SLC35F4: variants seen among roughly 807,000 people sequenced by gnomAD.
The protein encoded by SLC35F4 is chromosome 14 open reading frame 36.
In SLC35F4, 24 loss-of-function variants were observed where a neutral mutation model predicts 44.2. That is an observed-to-expected ratio of 0.54 (90% CI 0.39 to 0.76). The LOEUF (loss-of-function observed/expected upper bound fraction) is 0.76. SLC35F4 is among the 30% of genes least tolerant of loss of function. The pLI, the probability that SLC35F4 is intolerant of heterozygous loss-of-function variation, is 0.00. For synonymous variants in SLC35F4, 238 were observed against 223.6 expected (o/e 1.06, Z -0.57); for missense variants, 562 against 586.1 (o/e 0.96, Z 0.42).
At chr14:57,721,005 T>TATATATATAC (rs1555376892) in intron 1 of SLC35F4, among the ~76,000 whole-genome samples, 11 of 123,966 alleles carry the variant, frequency 8.9e-5, no homozygotes, top group Non-Finnish European at 1.6e-4. Flanking sequence ...TATATATATA[T>TATATATATAC]ATATATATAT....
At chr14:57,770,464 C>T (rs937829456) in intron 1 of SLC35F4, among the ~76,000 whole-genome samples, 13 of 152,200 alleles carry the variant, frequency 8.5e-5, no homozygotes, top group African/African-American at 3.1e-4. Context: ...GTCCTCATCA[C>T]TGAGATAAGG....
intron 1 of SLC35F4, among the ~76,000 whole-genome samples, chr14:57,622,178 G>C (rs1174592973): frequency 2.3e-5 from 2 of 86,274 alleles, no homozygotes; most frequent in Admixed American, 2.8e-4. Context: ...ACAGGTGCTG[G>C]AGAGGATGTG....
chr14:57,885,604 T>C (rs1286716387), intron 1 of SLC35F4, among the ~76,000 whole-genome samples: 2 of 152,228 alleles, frequency 1.3e-5, no homozygotes, highest in Non-Finnish European at 2.9e-5. Flanking sequence ...GGTACATGAA[T>C]TAAAATTAAA....
intron 1 of SLC35F4, among the ~76,000 whole-genome samples, chr14:57,632,515 A>G (rs1176205785): frequency 2.0e-5 from 3 of 152,090 alleles, no homozygotes; most frequent in Admixed American, 6.6e-5. Flanking sequence ...TTTTAGGTTC[A>G]TAGCAAAATT....
At position 57,626,232 on chromosome 14, in the gene SLC35F4, G is replaced by C. The variant is rs539272797; in HGVS notation, c.104-32108C>G. Reference sequence around the variant, plus strand: ...AAATACGTAATGTAAATGACGGGTTGATGGGTGCAGCAAACTGCCATGGCA... The same window carrying C: ...AAATACGTAATGTAAATGACGGGTTCATGGGTGCAGCAAACTGCCATGGCA... On this transcript the variant is annotated intron_variant, in intron 1 of 7. Coordinates refer to ENST00000556826, the MANE Select transcript of SLC35F4 (RefSeq NM_001306087.2). 5.5e-5 allele frequency among the ~76,000 whole-genome samples: 8 copies of C among 145,038 alleles called. No homozygotes were observed. In the East Asian group the frequency reaches 1.4e-3, roughly 25 times the overall value.
At chr14:57,672,047 A>G (rs1482052323) in intron 1 of SLC35F4, among the ~76,000 whole-genome samples, 1 of 152,136 alleles carries the variant, frequency 6.6e-6, no homozygotes, top group Non-Finnish European at 1.5e-5. Flanking sequence ...GAAAAGAGAA[A>G]TAAAAACATC....
At chr14:57,872,099 A>G (rs967068171) in intron 1 of SLC35F4, among the ~76,000 whole-genome samples, 1 of 152,252 alleles carries the variant, frequency 6.6e-6, no homozygotes, top group African/African-American at 2.4e-5. Context: ...GTTAGAATGC[A>G]TCCATAAAAC....
chr14:57,941,265 T>C (rs1433358073), intron 1 of SLC35F4, among the ~76,000 whole-genome samples: 1 of 152,186 alleles, frequency 6.6e-6, no homozygotes, highest in Admixed American at 6.5e-5. Flanking sequence ...TTATTCACAA[T>C]AGCCAAAGAT....
intron 1 of SLC35F4, among the ~76,000 whole-genome samples, chr14:57,857,567 CT>C (rs2141001677): frequency 6.6e-6 from 1 of 152,096 alleles, no homozygotes; most frequent in African/African-American, 2.4e-5. Flanking sequence ...GCACAATAAA[CT>C]TTATTGAGCA....
intron 1 of SLC35F4, among the ~76,000 whole-genome samples, chr14:57,706,946 C>T (rs1391834105): frequency 1.3e-5 from 2 of 152,066 alleles, no homozygotes; most frequent in African/African-American, 2.4e-5. Flanking sequence ...TCTCTGGCTG[C>T]AATAGAAAGG....
At chr14:57,721,468 A>G (rs1283424212) in intron 1 of SLC35F4, among the ~76,000 whole-genome samples, 1 of 152,218 alleles carries the variant, frequency 6.6e-6, no homozygotes, top group African/African-American at 2.4e-5. Context: ...CTTCAGAAAC[A>G]GATACTGACC....
At chr14:57,797,724 T>C (rs1309811691) in intron 1 of SLC35F4, among the ~76,000 whole-genome samples, 1 of 152,102 alleles carries the variant, frequency 6.6e-6, no homozygotes, top group African/African-American at 2.4e-5. Flanking sequence ...GAGAAGAAAT[T>C]TGTAAACTCC....
chr14:57,606,492 CCT>C (rs2071173237), intron 1 of SLC35F4, among the ~76,000 whole-genome samples: 2 of 152,134 alleles, frequency 1.3e-5, no homozygotes, highest in South Asian at 2.1e-4. Flanking sequence ...CCTGAAACAC[CCT>C]GTTTGCTTTT....
chr14:57,589,151 A>T, intron 3 of SLC35F4, 65 bp downstream of exon 3: 1 of 1,502,400 alleles, frequency 6.7e-7, no homozygotes, highest in African/African-American at 1.4e-5. Flanking sequence ...CCAAGAGATA[A>T]AAATAGGCAT....
intron 1 of SLC35F4, among the ~76,000 whole-genome samples, chr14:57,721,502 G>A (rs1260991792): frequency 8.5e-5 from 13 of 152,148 alleles, no homozygotes; most frequent in Non-Finnish European, 1.6e-4. Flanking sequence ...ATATCACCTT[G>A]AGTGAGAGTC....
intron 1 of SLC35F4, among the ~76,000 whole-genome samples, chr14:57,649,973 T>C (rs1462114316): frequency 1.3e-5 from 2 of 152,126 alleles, no homozygotes; most frequent in African/African-American, 4.8e-5. Context: ...AAGCACTGGG[T>C]ATATTGGACC....
chr14:57,856,328 T>A (rs1174248744), intron 1 of SLC35F4, among the ~76,000 whole-genome samples: 1 of 152,074 alleles, frequency 6.6e-6, no homozygotes, highest in African/African-American at 2.4e-5. Context: ...GTTAAAAACA[T>A]GGCTAGCAAG....
chr14:57,805,380 T>A (rs1881186991), intron 1 of SLC35F4, among the ~76,000 whole-genome samples: 1 of 152,174 alleles, frequency 6.6e-6, no homozygotes, highest in Non-Finnish European at 1.5e-5. Context: ...TAAATGCCCA[T>A]CAATGATAGA....
chr14:57,920,206 T>A (rs17733086), intron 1 of SLC35F4, among the ~76,000 whole-genome samples: 37 of 152,230 alleles, frequency 2.4e-4, no homozygotes, highest in Non-Finnish European at 4.8e-4. Context: ...GTGGGTTTAC[T>A]CTGCGTTGCC....
Sources: allele counts gnomAD v4.1 joint callset (sites outside exome capture counted in the v4.1 genomes callset), GRCh38; gene constraint gnomAD v4.1.1; transcripts MANE v1.5; gene names NCBI Gene and HGNC (gene_info 2026-07-23, HGNC 2026-07-21).